Variants in RBM46 observed in about 807,000 individuals in gnomAD.
RBM46 encodes the protein RNA binding motif protein 46.
Under a neutral mutation model 43.3 loss-of-function variants are expected in RBM46, and 12 were observed. The ratio of observed to expected loss-of-function variants is 0.28; its 90% confidence interval spans 0.18 to 0.45. RBM46 has a LOEUF of 0.45. Ranked by LOEUF, RBM46 falls within the 20% of genes least tolerant of loss-of-function variation. RBM46 has a pLI of 1.00. For synonymous variants in RBM46, 205 were observed against 207.6 expected (o/e 0.99, Z 0.11); for missense variants, 412 against 639.1 (o/e 0.64, Z 3.83).
chr4:154,826,115 C>T (rs1021766780), intron 4 of RBM46, among the ~76,000 whole-genome samples: 22 of 148,272 alleles, frequency 1.5e-4, no homozygotes, highest in Admixed American at 4.1e-4. Flanking sequence ...CGTTTATACT[C>T]AATACCAAAC....
chr4:154,826,839 C>CA, intron 4 of RBM46: 1 of 1,516,936 alleles, frequency 6.6e-7, no homozygotes, highest in Non-Finnish European at 8.8e-7. Flanking sequence ...CATTAAGTCC[C>CA]ATGACAACAT....
intron 4 of RBM46, among the ~76,000 whole-genome samples, chr4:154,810,240 C>T (rs982586385): frequency 1.3e-5 from 2 of 152,062 alleles, no homozygotes; most frequent in Non-Finnish European, 2.9e-5. Flanking sequence ...AGTCTTTCTA[C>T]TCTAGAGAGT....
chr4:154,801,421 G>A (rs1050319405), intron 4 of RBM46, among the ~76,000 whole-genome samples: 5 of 152,108 alleles, frequency 3.3e-5, no homozygotes, highest in Non-Finnish European at 5.9e-5. Context: ...TTCTATTGAT[G>A]CACAAAATAG....
chr4:154,794,527 T>C (rs1734256965), intron 1 of RBM46, among the ~76,000 whole-genome samples: 1 of 152,144 alleles, frequency 6.6e-6, no homozygotes, highest in Non-Finnish European at 1.5e-5. Context: ...CAGATGATCC[T>C]TTTAAAATGA....
At chr4:154,819,048 G>T (rs1375291543) in intron 4 of RBM46, among the ~76,000 whole-genome samples, 2 of 152,220 alleles carry the variant, frequency 1.3e-5, no homozygotes, top group East Asian at 3.9e-4. Context: ...TGCTGTTTCT[G>T]TTGGTTTTAG....
intron 1 of RBM46, among the ~76,000 whole-genome samples, chr4:154,788,183 T>G (rs1031847373): frequency 3.7e-4 from 56 of 152,330 alleles, no homozygotes; most frequent in Middle Eastern, 6.8e-3. Context: ...AGAAGCTCTT[T>G]AGTTTAATTA....
At chr4:154,784,447 C>G (rs546324342) in intron 1 of RBM46, among the ~76,000 whole-genome samples, 1 of 152,176 alleles carries the variant, frequency 6.6e-6, no homozygotes, top group African/African-American at 2.4e-5. Flanking sequence ...ATAGTTAGCA[C>G]TTAAAGATAA....
At chr4:154,818,013 CTTCT>C (rs1463908137) in intron 4 of RBM46, among the ~76,000 whole-genome samples, 1 of 151,864 alleles carries the variant, frequency 6.6e-6, no homozygotes, top group Non-Finnish European at 1.5e-5. Flanking sequence ...TACACTTTGA[CTTCT>C]TTCATTTCTT....
intron 3 of RBM46, 73 bp downstream of exon 3, chr4:154,798,351 A>G (rs1734449159): frequency 2.1e-6 from 2 of 930,902 alleles, no homozygotes; most frequent in Admixed American, 2.8e-5. Context: ...TCAGGGATCA[A>G]TATTATCAAA....
intron 1 of RBM46, among the ~76,000 whole-genome samples, chr4:154,782,885 T>C (rs564645878): frequency 7.3e-4 from 111 of 152,246 alleles, no homozygotes; most frequent in African/African-American, 2.5e-3. Context: ...GAATAACATA[T>C]AAAGGACATG....
At chr4:154,785,339 C>T (rs151164330) in intron 1 of RBM46, among the ~76,000 whole-genome samples, 12 of 150,694 alleles carry the variant, frequency 8.0e-5, no homozygotes, top group African/African-American at 2.9e-4. Flanking sequence ...AAAAATAGGT[C>T]TGTAAGGTAA....
chr4:154,801,889 T>C (rs1734656805), intron 4 of RBM46, among the ~76,000 whole-genome samples: 1 of 152,198 alleles, frequency 6.6e-6, no homozygotes, highest in South Asian at 2.1e-4. Flanking sequence ...GGTTAATTAG[T>C]GATCAAGGTA....
In RBM46 at chr4:154,799,616, G is replaced by A. The variant is rs1020990401; in HGVS notation, c.1402+52G>A. On this transcript the variant is annotated intron_variant, in intron 4 of 4. Coordinates refer to ENST00000281722, the MANE Select transcript of RBM46 (RefSeq NM_144979.5). ...GTATAATATGAAATTAGGAAATACT[G>A]TAGATTATTTTTAAATTCATTTATT... 23 of 1,222,576 alleles carry A rather than the reference G, an allele frequency of 1.9e-5. No individual in the cohort carries two copies. The East Asian group carries it at 2.6e-4, about 14-fold the overall frequency. The allele number at this position is 1,222,576 out of a possible 1,614,324, so 75.7% of individuals were successfully genotyped here.
At chr4:154,803,495 G>T (rs1001389267) in intron 4 of RBM46, among the ~76,000 whole-genome samples, 13 of 151,966 alleles carry the variant, frequency 8.6e-5, no homozygotes, top group Admixed American at 6.6e-5. Context: ...GAGGTCAGGA[G>T]ATAGAGACCA....
chr4:154,816,321 G>T (rs187750587), intron 4 of RBM46, among the ~76,000 whole-genome samples: 19 of 152,122 alleles, frequency 1.2e-4, no homozygotes, highest in Middle Eastern at 3.4e-3. Flanking sequence ...CTGTAGATCA[G>T]TTTGGGAACA....
chr4:154,801,119 C>T (rs1332530229), intron 4 of RBM46, among the ~76,000 whole-genome samples: 1 of 151,892 alleles, frequency 6.6e-6, no homozygotes, highest in Non-Finnish European at 1.5e-5. Flanking sequence ...GCTGGGATTA[C>T]AGGCGCCCAC....
At position 154,796,799 on chromosome 4, in the gene RBM46, G is replaced by T; in HGVS notation, c.47G>T (p.Arg16Leu). 1 of 1,613,260 alleles carries T rather than the reference G, an allele frequency of 6.2e-7. No homozygotes were observed. Among genetic ancestry groups the T allele is most frequent in the Non-Finnish European group, 8.5e-7 (1 of 1,179,470 alleles). ...IDGTNGCSKV[R>L]TGIQNEAALL... Reference sequence around the variant, plus strand: ...GGAACAAATGGATGCAGTAAAGTTCGAACTGGTATTCAGAATGAAGCAGCA... The same window carrying T: ...GGAACAAATGGATGCAGTAAAGTTCTAACTGGTATTCAGAATGAAGCAGCA... Residue 16 changes from arginine to leucine, a missense_variant, in exon 2 of 5, where the codon CGA becomes CTA. Physicochemically the swap from Arg to Leu is moderately radical, Grantham distance 102. Coordinates refer to ENST00000281722, the MANE Select transcript of RBM46 (RefSeq NM_144979.5).
At chr4:154,786,913 C>T (rs1402596932) in intron 1 of RBM46, among the ~76,000 whole-genome samples, 2 of 151,990 alleles carry the variant, frequency 1.3e-5, no homozygotes, top group Non-Finnish European at 2.9e-5. Flanking sequence ...GGTGACAGAG[C>T]GAGACTCCTT....
chr4:154,784,700 C>T (rs949269767), intron 1 of RBM46, among the ~76,000 whole-genome samples: 1 of 152,218 alleles, frequency 6.6e-6, no homozygotes, highest in Non-Finnish European at 1.5e-5. Context: ...ACATTCTACT[C>T]AGGATCCCTC....
Sources: allele counts gnomAD v4.1 joint callset (sites outside exome capture counted in the v4.1 genomes callset), GRCh38; gene constraint gnomAD v4.1.1; transcripts MANE v1.5; gene names NCBI Gene and HGNC (gene_info 2026-07-23, HGNC 2026-07-21).